The following RSL1D1 variants were observed in gnomAD, a reference collection of about 807,000 sequenced individuals.
RSL1D1 encodes the protein ribosomal L1 domain containing 1.
Under a neutral mutation model 44.6 loss-of-function variants are expected in RSL1D1, and 34 were observed. The ratio of observed to expected loss-of-function variants is 0.76; its 90% confidence interval spans 0.58 to 1.02. The LOEUF (loss-of-function observed/expected upper bound fraction) is 1.02. Among genes scored for constraint, RSL1D1 ranks in the 50% least tolerant of loss-of-function variants. The pLI is 0.00. For synonymous variants in RSL1D1, 271 were observed against 207.4 expected (o/e 1.31, Z -2.63); for missense variants, 767 against 568.1 (o/e 1.35, Z -3.56).
At chr16:11,846,651 G>A (rs895939055) in intron 4 of RSL1D1, 44 bp downstream of exon 4, 3 of 1,610,836 alleles carry the variant, frequency 1.9e-6, no homozygotes, top group Non-Finnish European at 2.5e-6. Flanking sequence ...TACACACCTA[G>A]AAGCTTCATG....
In RSL1D1 at chr16:11,835,056, TGTGATGACACTA is replaced by T. The variant is rs1433757597; in HGVS notation, c.*2719_*2730del. On this transcript the variant is annotated 3_prime_UTR_variant, in exon 9 of 9. Transcript: ENST00000571133. ...GAGCCCAGGAAATTGAGGCTGGAGC[TGTGATGACACTA>T]GTGCACTCCAGCCTGGGGAACAGAG... The T allele has an allele frequency of 2.6e-5, 4 of 152,314 alleles. No individual in the cohort carries two copies. The highest frequency in any genetic ancestry group is 2.6e-4 in the Admixed American group (4 of 15,288). The allele number at this position is 152,314 out of a possible 1,614,324, so 9.4% of individuals were successfully genotyped here. A position where few individuals can be genotyped will look rare whatever the true frequency, so the allele number is the denominator to read the frequency against.
In RSL1D1 at chr16:11,839,472, T is replaced by C. The variant is rs991593382; in HGVS notation, c.1146+223A>G. On this transcript the variant is annotated intron_variant, in intron 8 of 8. Coordinates refer to ENST00000571133, the MANE Select transcript of RSL1D1 (RefSeq NM_015659.3). ...CTTTGGGAGGCCAAGGTGGGAAGAC[T>C]GTTTTGACCCCCGGAGTGTAAGACC... Among the ~76,000 whole-genome samples, 14 of 146,836 alleles carry C rather than the reference T, an allele frequency of 9.5e-5. No homozygotes were observed. The South Asian group carries it at 2.8e-3, about 29-fold the overall frequency.
chr16:11,843,551 T>TACCC (rs2053777467), intron 5 of RSL1D1, among the ~76,000 whole-genome samples: 2 of 151,056 alleles, frequency 1.3e-5, no homozygotes, highest in Non-Finnish European at 3.0e-5. Context: ...TCTACTGCTC[T>TACCC]ACCCAGCCGC....
Position 11,851,343 on chromosome 16 carries a change from C to T in RSL1D1, c.105+65G>A, listed in dbSNP as rs2053836108. On this transcript the variant is annotated intron_variant, in intron 1 of 8. Coordinates refer to ENST00000571133, the MANE Select transcript of RSL1D1 (RefSeq NM_015659.3). ...CGCCGAGCACGCACTCGGGTTCCGG[C>T]ACCCTGCGCCTCACGAGGTAACCGC... is the stretch of plus-strand genomic sequence containing the variant. 6 of 1,482,706 alleles carry T rather than the reference C, an allele frequency of 4.0e-6. No homozygotes were observed. In the Admixed American group the frequency reaches 5.0e-5, roughly 12 times the overall value. The allele number at this position is 1,482,706 out of a possible 1,614,324, so 91.8% of individuals were successfully genotyped here. A position where few individuals can be genotyped will look rare whatever the true frequency, so the allele number is the denominator to read the frequency against.
At chr16:11,838,675 G>T (rs2053739521) in intron 8 of RSL1D1, among the ~76,000 whole-genome samples, 1 of 151,216 alleles carries the variant, frequency 6.6e-6, no homozygotes, top group South Asian at 2.1e-4. Context: ...TGGCCAACAT[G>T]GCAAAACCCC....
chr16:11,839,621 G>A, intron 8 of RSL1D1, 74 bp downstream of exon 8: 1 of 1,554,114 alleles, frequency 6.4e-7, no homozygotes, highest in South Asian at 1.2e-5. Context: ...ATCATTTATT[G>A]CTCAGCACAG....
At chr16:11,850,147 A>T in intron 2 of RSL1D1, 132 bp downstream of exon 2, 2 of 860,862 alleles carry the variant, frequency 2.3e-6, no homozygotes, top group Non-Finnish European at 3.4e-6. Flanking sequence ...TTTTGGACAT[A>T]GTTGTTTTAC....
chr16:11,845,276 G>C (rs2053789853), intron 5 of RSL1D1, among the ~76,000 whole-genome samples: 1 of 152,118 alleles, frequency 6.6e-6, no homozygotes, highest in African/African-American at 2.4e-5. Context: ...AAAATAGTGA[G>C]ACCCCGCCGC....
At chr16:11,848,140 C>G (rs184933511) in intron 2 of RSL1D1, among the ~76,000 whole-genome samples, 18 of 152,206 alleles carry the variant, frequency 1.2e-4, no homozygotes, top group Non-Finnish European at 2.5e-4. Context: ...GTAATCCCAG[C>G]TACTTGAGAG....
rs748568398 is a variant in RSL1D1, at chr16:11,851,456, G to A, written c.57C>T (p.Thr19=). 2.5e-6 allele frequency: 4 copies of A among 1,614,126 alleles called. No individual in the cohort carries two copies. Among genetic ancestry groups the A allele is most frequent in the Admixed American group, 1.7e-5 (1 of 60,028 alleles). The change falls in exon 1 of 9, where the codon ACC becomes ACT. Residue 19 remains threonine, a synonymous_variant. Coordinates refer to ENST00000571133, the MANE Select transcript of RSL1D1 (RefSeq NM_015659.3). ...GTGCTGTCGGGGCCGCTGGAGTCGA[G>A]GTGGAGGTTCCAGTAGCGGCTGCAG... ...LSSAAATGTS[T]STPAAPTARK... is the part of the protein sequence containing the mutation.
Position 11,847,815 on chromosome 16 carries a change from T to C in RSL1D1, c.246-9A>G. On this transcript the variant is annotated splice_polypyrimidine_tract_variant and intron_variant, in intron 2 of 8. Transcript: ENST00000571133. ...TACTATGAGGCAAGGTCCTACAAAATACGTGAAAAGAAACCGAGGAAAGCA... is the reference window on the plus strand; with the variant it reads ...TACTATGAGGCAAGGTCCTACAAAACACGTGAAAAGAAACCGAGGAAAGCA... 2 of 1,611,536 alleles carry C rather than the reference T, an allele frequency of 1.2e-6. No homozygotes were observed. Among genetic ancestry groups the C allele is most frequent in the Non-Finnish European group, 8.5e-7 (1 of 1,179,070 alleles).
chr16:11,844,291 C>G (rs144248561), intron 5 of RSL1D1, among the ~76,000 whole-genome samples: 1 of 152,050 alleles, frequency 6.6e-6, no homozygotes, highest in Non-Finnish European at 1.5e-5. Flanking sequence ...TTCTTTTTTT[C>G]TCAATTGTCT....
intron 3 of RSL1D1, among the ~76,000 whole-genome samples, chr16:11,847,144 G>A (rs958091529): frequency 3.3e-5 from 5 of 152,170 alleles, no homozygotes; most frequent in African/African-American, 1.2e-4. Flanking sequence ...GGGAGGCCGA[G>A]GTGGGTGGAT....
intron 3 of RSL1D1, 108 bp downstream of exon 3, chr16:11,847,560 G>T: frequency 1.0e-6 from 1 of 976,464 alleles, no homozygotes; most frequent in Non-Finnish European, 1.5e-6. Flanking sequence ...AAATTAAAAA[G>T]AGAAAAGTAG....
intron 8 of RSL1D1, among the ~76,000 whole-genome samples, chr16:11,838,869 CAA>C (rs1020441220): frequency 1.4e-5 from 2 of 138,158 alleles, no homozygotes; most frequent in Non-Finnish European, 3.1e-5. Flanking sequence ...AAAAAAAAAA[CAA>C]AAAAAAACTG....
rs757625092 is a variant in RSL1D1, at chr16:11,846,881, G to A, written c.385-38C>T. On this transcript the variant is annotated intron_variant, in intron 3 of 8. Coordinates refer to ENST00000571133, the MANE Select transcript of RSL1D1 (RefSeq NM_015659.3). The stretch of plus-strand genomic sequence containing the variant: ...GAGAAGAATAAAAACAAGAAGTTAG[G>A]AATCTAAACAAGGAGAAGAAATACT... The A allele has an allele frequency of 5.9e-5, 90 of 1,530,734 alleles. 1 individual carries two copies. The South Asian group carries it at 9.5e-4, about 16-fold the overall frequency. 94.8% of individuals were successfully genotyped at this position (1,530,734 alleles called of 1,614,324 possible).
rs1018375542 is a variant in RSL1D1, at chr16:11,839,757, C to T, written c.1084G>A (p.Glu362Lys). The T allele has an allele frequency of 9.3e-6, 15 of 1,613,986 alleles. No individual in the cohort carries two copies. In the East Asian group the frequency reaches 1.1e-4, roughly 12 times the overall value. ...GGTACCAGCTGTGGGATTTCGTCTT[C>T]GGATTCATTTGTTGCTTTAACTTGG... ...KAQVKATNES[E>K]DEIPQLVPIG... The change falls in exon 8 of 9, where the codon GAA becomes AAA. Residue 362 changes from glutamate (E) to lysine (K), a missense_variant. Transcript: ENST00000571133.
At position 11,838,110 on chromosome 16, in the gene RSL1D1, G is replaced by C. The variant is rs763630966; in HGVS notation, c.1150C>G (p.Gln384Glu). The C allele has an allele frequency of 4.5e-6, 7 of 1,552,390 alleles. No individual in the cohort carries two copies. The East Asian group carries it at 9.1e-5, about 20-fold the overall frequency. The stretch of plus-strand genomic sequence containing the variant: ...GACTTCTTTCCTGTGGCATGTTTTT[G>C]AATCTAAGAAAAAAAAAAGTAAGTT... ...KTPANEKVEI[Q>E]KHATGKKSPA... is the part of the protein sequence containing the mutation. Residue 384 changes from glutamine to glutamate, a missense_variant, in exon 9 of 9, where the codon CAA (glutamine) becomes GAA (glutamate). Gln to Glu is a conservative substitution (Grantham distance 29). Coordinates refer to ENST00000571133, the MANE Select transcript of RSL1D1 (RefSeq NM_015659.3).
At chr16:11,849,405 G>GGA (rs79498446) in intron 2 of RSL1D1, 8,940 of 142,156 alleles carry the variant, frequency 0.063, 520 homozygotes, top group East Asian at 0.17. Flanking sequence ...AAAAAAAAAA[G>GGA]GAGAGATAAA....
Sources: allele counts gnomAD v4.1 joint callset (sites outside exome capture counted in the v4.1 genomes callset), GRCh38; gene constraint gnomAD v4.1.1; transcripts MANE v1.5; gene names NCBI Gene and HGNC (gene_info 2026-07-23, HGNC 2026-07-21).